Variants in CACNA1C observed in about 807,000 individuals in gnomAD.
CACNA1C encodes the protein calcium voltage-gated channel subunit alpha1 C.
A neutral mutation model predicts 229.0 loss-of-function variants in CACNA1C; 30 were observed. That is an observed-to-expected ratio of 0.13 (90% CI 0.10 to 0.18). The LOEUF (loss-of-function observed/expected upper bound fraction) is 0.18. CACNA1C is among the 10% of genes least tolerant of loss of function. CACNA1C has a pLI of 1.00. For missense variants in CACNA1C, 1,658 were observed against 2,845.0 expected, an observed-to-expected ratio of 0.58 and a Z score of 9.49; for synonymous variants, 1,114 against 1,132.5, an observed-to-expected ratio of 0.98 and a Z score of 0.33.
At chr12:2,178,938 T>G (rs2096749550) in intron 3 of CACNA1C, among the ~76,000 whole-genome samples, 1 of 152,158 alleles carries the variant, frequency 6.6e-6, no homozygotes, top group Admixed American at 6.5e-5. Context: ...GACAGGCGCT[T>G]GCAGTCCCAG....
intron 46 of CACNA1C, among the ~76,000 whole-genome samples, chr12:2,690,488 C>T (rs1434712767): frequency 6.6e-6 from 1 of 152,202 alleles, no homozygotes; most frequent in Admixed American, 6.5e-5. Context: ...CATCACCACA[C>T]CCAGCTAATT....
At chr12:2,204,805 A>AG (rs2097703766) in intron 3 of CACNA1C, among the ~76,000 whole-genome samples, 1 of 36,492 alleles carries the variant, frequency 2.7e-5, no homozygotes, top group Non-Finnish European at 5.3e-5. Context: ...GGGTTGGGGG[A>AG]GGGGGGAGGG....
intron 1 of CACNA1C, among the ~76,000 whole-genome samples, chr12:2,012,693 A>G (rs1177363299): frequency 6.6e-6 from 1 of 152,228 alleles, no homozygotes; most frequent in East Asian, 1.9e-4. Context: ...AAAAATGTGA[A>G]CAGTAAAATA....
chr12:2,646,827 T>C lies in CACNA1C; in HGVS notation c.3913-1648T>C, dbSNP rs572692419. 6.6e-6 allele frequency among the ~76,000 whole-genome samples: 1 copy of C among 152,246 alleles called. No individual in the cohort carries two copies. Among genetic ancestry groups the C allele is most frequent in the African/African-American group, 2.4e-5 (1 of 41,534 alleles). Reference sequence around the variant, plus strand: ...GCGTGTGTGTGTCTGCCTATGTTTGTCTCTGTGTTCAATCTCAGTCTGCTA... The same window carrying C: ...GCGTGTGTGTGTCTGCCTATGTTTGCCTCTGTGTTCAATCTCAGTCTGCTA... On this transcript the variant is annotated intron_variant, in intron 30 of 46. Coordinates refer to ENST00000399655, the MANE Select transcript of CACNA1C (RefSeq NM_000719.7). This position sits in a 1 kb window ranked among gnomAD's most constrained non-coding sequence, Gnocchi z 4.6.
intron 1 of CACNA1C, among the ~76,000 whole-genome samples, chr12:2,038,136 T>C (rs1329237619): frequency 6.6e-6 from 1 of 152,212 alleles, no homozygotes; most frequent in African/African-American, 2.4e-5. Flanking sequence ...GTCCCTGACA[T>C]ACTGGAGAAA....
intron 3 of CACNA1C, among the ~76,000 whole-genome samples, chr12:2,140,990 G>A (rs932241810): frequency 6.0e-5 from 9 of 151,250 alleles, no homozygotes; most frequent in Non-Finnish European, 7.4e-5. Flanking sequence ...GGTAGGCAGG[G>A]AGGGTCTCTC....
chr12:2,092,662 C>T (rs142329981), intron 1 of CACNA1C, among the ~76,000 whole-genome samples: 1 of 152,264 alleles, frequency 6.6e-6, no homozygotes, highest in East Asian at 1.9e-4. Context: ...TCATCACTTC[C>T]AACTCAAGGG....
chr12:2,619,301 A>G (rs1177317821), intron 29 of CACNA1C, among the ~76,000 whole-genome samples: 2 of 152,250 alleles, frequency 1.3e-5, no homozygotes, highest in Non-Finnish European at 2.9e-5. Flanking sequence ...CTTCAGGGAA[A>G]GTGCCATTCA....
chr12:2,115,191 G>A, intron 1 of CACNA1C, 33 bp from the exon 2 acceptor site: 1 of 1,460,736 alleles, frequency 6.8e-7, no homozygotes, highest in Non-Finnish European at 9.2e-7. Context: ...TTTCTATCTA[G>A]TAACTGTTGT....
chr12:2,300,732 G>A (rs1053896211), intron 3 of CACNA1C, among the ~76,000 whole-genome samples: 3 of 152,210 alleles, frequency 2.0e-5, no homozygotes, highest in East Asian at 1.9e-4. Context: ...GGAGCAGGAC[G>A]AGAGGATGTG....
At chr12:2,242,281 C>G (rs557708194) in intron 3 of CACNA1C, among the ~76,000 whole-genome samples, 1 of 152,294 alleles carries the variant, frequency 6.6e-6, no homozygotes, top group South Asian at 2.1e-4. Flanking sequence ...TTCACTTTCC[C>G]GCAGAAACAT....
rs2097838382 is a variant in CACNA1C, at chr12:2,695,840, C to A, written c.*4641C>A. 6.6e-6 allele frequency: 1 copy of A among 152,200 alleles called. No individual in the cohort carries two copies. The highest frequency in any genetic ancestry group is 2.1e-4 in the South Asian group (1 of 4,830). The allele number at this position is 152,200 out of a possible 1,614,324, so 9.4% of individuals were successfully genotyped here. On this transcript the variant is annotated 3_prime_UTR_variant, in exon 47 of 47. Coordinates refer to ENST00000399655, the MANE Select transcript of CACNA1C (RefSeq NM_000719.7). ...TTTCTGGAGCCAGATACCAATACAA[C>A]AGGTGAACGGGTTTCTGCCACATCT...
At chr12:2,481,412 C>A (rs2099675226) in intron 5 of CACNA1C, among the ~76,000 whole-genome samples, 1 of 152,200 alleles carries the variant, frequency 6.6e-6, no homozygotes, top group East Asian at 1.9e-4. Flanking sequence ...GTCCTCTAAG[C>A]CTTTCCTAAC....
chr12:2,289,987 C>A (rs971388527), intron 3 of CACNA1C, among the ~76,000 whole-genome samples: 1 of 152,188 alleles, frequency 6.6e-6, no homozygotes, highest in Admixed American at 6.5e-5. Flanking sequence ...TGTCCAAAAT[C>A]GCACAGCTAG....
intron 7 of CACNA1C, among the ~76,000 whole-genome samples, chr12:2,500,041 C>T (rs2099755604): frequency 6.6e-6 from 1 of 152,188 alleles, no homozygotes; most frequent in African/African-American, 2.4e-5. Flanking sequence ...CAGAGAATCA[C>T]CTTCTGTGGC....
intron 4 of CACNA1C, among the ~76,000 whole-genome samples, chr12:2,453,478 G>A (rs2099396816): frequency 6.6e-6 from 1 of 152,172 alleles, no homozygotes; most frequent in African/African-American, 2.4e-5. Context: ...CCAGCGTGTA[G>A]TGCACTCTGT....
At chr12:1,986,835 G>A (rs2037928814) in intron 1 of CACNA1C, among the ~76,000 whole-genome samples, 1 of 152,168 alleles carries the variant, frequency 6.6e-6, no homozygotes, top group Admixed American at 6.5e-5. Flanking sequence ...GCCCCAGTTA[G>A]TTGCTTTTGT....
chr12:2,410,158 C>T lies in CACNA1C; in HGVS notation c.478-38818C>T, dbSNP rs1389709987. On this transcript the variant is annotated intron_variant, in intron 3 of 46. Transcript: ENST00000399655. This position sits in a 1 kb window ranked among gnomAD's most constrained non-coding sequence, Gnocchi z 5.3. ...ATGGTGGGCTCATGCATTCTGTTCC[C>T]ACTCCAATCTGCCAGAGGGACAGGG... 1.3e-5 allele frequency among the ~76,000 whole-genome samples: 2 copies of T among 152,212 alleles called. No homozygotes were observed. The highest frequency in any genetic ancestry group is 6.5e-5 in the Admixed American group (1 of 15,282).
rs1392287538 is a variant in CACNA1C at position 2,666,083 on chromosome 12, G to A, written c.4526+375G>A. On this transcript the variant is annotated intron_variant, in intron 36 of 46. Transcript: ENST00000399655. This position sits in a 1 kb window ranked among gnomAD's most constrained non-coding sequence, Gnocchi z 5.3. Reference sequence around the variant, plus strand: ...ACATGCCTATAATCCCAGCTACTCAGGAGGCCAAGGCATGAGAATTGCCTG... The same window carrying A: ...ACATGCCTATAATCCCAGCTACTCAAGAGGCCAAGGCATGAGAATTGCCTG... Among the ~76,000 whole-genome samples, 5 of 152,196 alleles carry A rather than the reference G, an allele frequency of 3.3e-5. No homozygotes were observed. The highest frequency in any genetic ancestry group is 1.2e-4 in the African/African-American group (5 of 41,444).
Sources: gnomAD v4.1 joint callset for allele counts (sites outside exome capture counted in the v4.1 genomes callset) on GRCh38, gnomAD v4.1.1 for gene constraint, Gnocchi (gnomAD v3.1) non-coding constraint, MANE v1.5 for transcripts, NCBI Gene and HGNC (gene_info 2026-07-23, HGNC 2026-07-21) for gene names.